Variants in LIN52 observed in about 807,000 individuals in gnomAD.
LIN52 encodes the protein protein lin-52 homolog.
LIN52 carries 4 observed loss-of-function variants against 18.5 expected under a neutral mutation model. The observed-to-expected ratio is 0.22, with a 90% CI of 0.11 to 0.49. LIN52 has a LOEUF of 0.49. LIN52 is among the 20% of genes least tolerant of loss of function. The probability of loss-of-function intolerance (pLI) is 0.97; values close to 1 mark genes in which losing one functional copy is unlikely to be tolerated. For synonymous variants in LIN52, 34 were observed against 45.5 expected, an observed-to-expected ratio of 0.75 and a Z score of 1.02; for missense variants, 102 against 139.5, an observed-to-expected ratio of 0.73 and a Z score of 1.35.
chr14:74,107,466 C>G (rs1270616596), intron 5 of LIN52, among the ~76,000 whole-genome samples: 1 of 152,148 alleles, frequency 6.6e-6, no homozygotes, highest in Non-Finnish European at 1.5e-5. Context: ...AGCTGTCCTT[C>G]TATCAGCTTT....
At position 74,101,269 on chromosome 14, in the gene LIN52, T is replaced by C. The variant is rs2060852866; in HGVS notation, c.283+31T>C. ...TACCCCGATCGCATTTGTTCAGGGG[T>C]GTATTCCACCCTGAGCTGTGTATTC... is the stretch of plus-strand genomic sequence containing the variant. On this transcript the variant is annotated intron_variant, in intron 5 of 5. Transcript: ENST00000555028. 4 of 1,504,420 alleles carry C rather than the reference T, an allele frequency of 2.7e-6. No homozygotes were observed. The African/African-American group carries it at 5.6e-5, about 21-fold the overall frequency. 93.2% of individuals were successfully genotyped at this position (1,504,420 alleles called of 1,614,324 possible). A position where few individuals can be genotyped will look rare whatever the true frequency, so the allele number is the denominator to read the frequency against.
At chr14:74,092,856 G>T (rs543402092) in intron 2 of LIN52, among the ~76,000 whole-genome samples, 1 of 151,806 alleles carries the variant, frequency 6.6e-6, no homozygotes, top group South Asian at 2.1e-4. Flanking sequence ...GGCGGAGGTT[G>T]CAGTGAGCCA....
At chr14:74,109,707 A>G (rs1197349094) in intron 5 of LIN52, among the ~76,000 whole-genome samples, 1 of 152,144 alleles carries the variant, frequency 6.6e-6, no homozygotes, top group Admixed American at 6.5e-5. Context: ...ATTCTTTTTG[A>G]TGCTATTATA....
intron 5 of LIN52, among the ~76,000 whole-genome samples, chr14:74,176,741 T>C (rs1279884733): frequency 1.3e-5 from 2 of 152,174 alleles, no homozygotes; most frequent in Non-Finnish European, 2.9e-5. Flanking sequence ...ATGCAGCACA[T>C]GACTATATTT....
chr14:74,198,843 T>C (rs563606760), intron 5 of LIN52, 79 bp from the exon 6 acceptor site: 1 of 1,089,238 alleles, frequency 9.2e-7, no homozygotes, highest in East Asian at 2.4e-5. Context: ...TCAATCTGCA[T>C]TTTTAAATTA....
intron 5 of LIN52, among the ~76,000 whole-genome samples, chr14:74,150,540 G>A (rs1297920289): frequency 1.3e-5 from 2 of 152,156 alleles, no homozygotes; most frequent in Non-Finnish European, 2.9e-5. Context: ...ATGATGGCTG[G>A]GAGGGGGCCT....
intron 5 of LIN52, among the ~76,000 whole-genome samples, chr14:74,195,474 G>A (rs538692842): frequency 7.9e-5 from 12 of 152,140 alleles, no homozygotes; most frequent in Non-Finnish European, 1.8e-4. Context: ...TGAAATTCCT[G>A]ATGGGAGCTT....
intron 5 of LIN52, among the ~76,000 whole-genome samples, chr14:74,106,314 GGCTGGAGT>G (rs1367138551): frequency 3.3e-5 from 5 of 152,266 alleles, no homozygotes; most frequent in African/African-American, 9.6e-5. Context: ...CTCTCATCCA[GGCTGGAGT>G]GCCATGGCCT....
chr14:74,146,093 G>A (rs957216538), intron 5 of LIN52, among the ~76,000 whole-genome samples: 7 of 152,058 alleles, frequency 4.6e-5, no homozygotes, highest in Admixed American at 4.6e-4. Context: ...TAATAGATAG[G>A]TGCTTACTTT....
intron 1 of LIN52, chr14:74,085,233 C>T: frequency 2.6e-6 from 1 of 384,692 alleles, no homozygotes; most frequent in Non-Finnish European, 4.6e-6. Flanking sequence ...GGGAGGGACT[C>T]ATTCTGGGTA....
intron 5 of LIN52, among the ~76,000 whole-genome samples, chr14:74,157,552 G>A (rs1395789837): frequency 5.1e-4 from 77 of 151,264 alleles, no homozygotes; most frequent in South Asian, 1.0e-3. Flanking sequence ...CCTCAGCTTC[G>A]ACCTCCTGGA....
chr14:74,122,884 CAAACAA>C (rs74777859), intron 5 of LIN52, among the ~76,000 whole-genome samples: 29,049 of 147,046 alleles, frequency 0.2, 2,966 homozygotes, highest in South Asian at 0.44. Flanking sequence ...ACAAAACAAA[CAAACAA>C]AAACAAAAAC....
At chr14:74,144,392 G>A (rs760022930) in intron 5 of LIN52, among the ~76,000 whole-genome samples, 1 of 152,024 alleles carries the variant, frequency 6.6e-6, no homozygotes, top group African/African-American at 2.4e-5. Flanking sequence ...CTTCCGAAAG[G>A]CAGGGATTAC....
At chr14:74,086,242 T>A (rs1299980038) in intron 1 of LIN52, among the ~76,000 whole-genome samples, 1 of 152,200 alleles carries the variant, frequency 6.6e-6, no homozygotes, top group Non-Finnish European at 1.5e-5. Flanking sequence ...GAACAGTAGG[T>A]CTTTAATTAA....
intron 5 of LIN52, among the ~76,000 whole-genome samples, chr14:74,179,072 C>G (rs1315833058): frequency 6.6e-6 from 1 of 152,010 alleles, no homozygotes; most frequent in Non-Finnish European, 1.5e-5. Context: ...GAATGAGACC[C>G]TGTCTCAAAA....
At chr14:74,096,775 C>T (rs2139863870) in intron 3 of LIN52, among the ~76,000 whole-genome samples, 1 of 152,212 alleles carries the variant, frequency 6.6e-6, no homozygotes, top group Middle Eastern at 3.4e-3. Context: ...AAGAAAAGCA[C>T]ATATGAGGAG....
chr14:74,107,211 A>G (rs1384071328), intron 5 of LIN52, among the ~76,000 whole-genome samples: 1 of 152,230 alleles, frequency 6.6e-6, no homozygotes, highest in Non-Finnish European at 1.5e-5. Flanking sequence ...CAGAATAAAT[A>G]CAGTGTGAAA....
intron 5 of LIN52, among the ~76,000 whole-genome samples, chr14:74,187,116 A>G (rs1221970985): frequency 6.6e-6 from 1 of 152,208 alleles, no homozygotes; most frequent in Non-Finnish European, 1.5e-5. Flanking sequence ...AGAATTTCAT[A>G]CATTATCTTA....
At chr14:74,165,444 G>T (rs4903198) in intron 5 of LIN52, among the ~76,000 whole-genome samples, 16,349 of 150,020 alleles carry the variant, frequency 0.11, 1,162 homozygotes, top group Admixed American at 0.19. Flanking sequence ...TAATATAAAA[G>T]AATCAGCTAA....
Sources: allele counts gnomAD v4.1 joint callset (sites outside exome capture counted in the v4.1 genomes callset), GRCh38; gene constraint gnomAD v4.1.1; transcripts MANE v1.5; gene names NCBI Gene and HGNC (gene_info 2026-07-23, HGNC 2026-07-21).